CYB5R3: variants seen among roughly 807,000 people sequenced by gnomAD.
CYB5R3 encodes cytochrome b5 reductase 3, also known as NADH-cytochrome b5 reductase 3.
In CYB5R3, 28 loss-of-function variants were observed where a neutral mutation model predicts 36.5. That is an observed-to-expected ratio of 0.77 (90% confidence interval 0.57 to 1.05). CYB5R3 has a LOEUF of 1.05. Ranked by LOEUF, CYB5R3 falls within the 50% of genes least tolerant of loss-of-function variation. CYB5R3 has a pLI of 0.00. For missense variants in CYB5R3, 474 were observed against 408.9 expected (o/e 1.16, Z -1.37); for synonymous variants, 181 against 159.8 (o/e 1.13, Z -1.00).
chr22:42,622,769 G>A (rs1928049440), intron 8 of CYB5R3, among the ~76,000 whole-genome samples: 1 of 152,226 alleles, frequency 6.6e-6, no homozygotes, highest in Non-Finnish European at 1.5e-5. Flanking sequence ...TCAGCAGAGG[G>A]TGTGCGCCCC....
Position 42,631,448 on chromosome 22 carries a change from G to C in CYB5R3, c.156C>G (p.Ile52Met). Residue 52 changes from isoleucine (I) to methionine (M), a missense_variant and splice_region_variant, in exon 3 of 9, where the codon ATC (isoleucine) becomes ATG (methionine). Transcript: ENST00000352397. ...GGAAGCGCCGGGTGTCATGGCTGATGATCTGGAGAGAGGCCCAAAGCTGCT... is the reference window on the plus strand; with the variant it reads ...GGAAGCGCCGGGTGTCATGGCTGATCATCTGGAGAGAGGCCCAAAGCTGCT... ...KYPLRLIDRE[I>M]ISHDTRRFRF... 1.9e-6 allele frequency: 3 copies of C among 1,551,618 alleles called. No individual in the cohort carries two copies. The highest frequency in any genetic ancestry group is 2.6e-6 in the Non-Finnish European group (3 of 1,146,966).
At chr22:42,642,545 T>C (rs1184182230) in intron 1 of CYB5R3, among the ~76,000 whole-genome samples, 1 of 152,174 alleles carries the variant, frequency 6.6e-6, no homozygotes, top group Non-Finnish European at 1.5e-5. Flanking sequence ...TTCACACCAT[T>C]CTCCTGCCTC....
chr22:42,649,283 CT>C lies in CYB5R3; in HGVS notation c.21+11del. 1 of 1,015,030 alleles carries C rather than the reference CT, an allele frequency of 9.9e-7. No individual in the cohort carries two copies. The highest frequency in any genetic ancestry group is 1.2e-6 in the Non-Finnish European group (1 of 844,908). 62.9% of individuals were successfully genotyped at this position (1,015,030 alleles called of 1,614,324 possible). A position where few individuals can be genotyped will look rare whatever the true frequency, so the allele number is the denominator to read the frequency against. ...CGACGCCCCGCGGCCCCGGCGCCCCCTCCCCGCCTACCGTGCTGAGCTGGGC... is the reference window on the plus strand; with the variant it reads ...CGACGCCCCGCGGCCCCGGCGCCCCCCCCCGCCTACCGTGCTGAGCTGGGC... On this transcript the variant is annotated intron_variant, in intron 1 of 8. Transcript: ENST00000352397.
chr22:42,643,425 A>C, intron 1 of CYB5R3, among the ~76,000 whole-genome samples: 1 of 151,244 alleles, frequency 6.6e-6, no homozygotes. Flanking sequence ...CTACAACCTC[A>C]CACCAGGCCT....
At chr22:42,630,784 G>T in intron 4 of CYB5R3, 98 bp downstream of exon 4, 1 of 1,042,936 alleles carries the variant, frequency 9.6e-7, no homozygotes, top group Non-Finnish European at 1.5e-6. Flanking sequence ...GCTGCACAGG[G>T]CAGGAGCGGG....
At chr22:42,631,856 G>T (rs1601938971) in intron 2 of CYB5R3, 2 of 255,756 alleles carry the variant, frequency 7.8e-6, no homozygotes, top group Admixed American at 4.6e-5. Context: ...AGCTAGACAA[G>T]GCTGCACGTG....
chr22:42,631,443 C>T lies in CYB5R3; in HGVS notation c.161G>A (p.Ser54Asn), dbSNP rs1011695795. 5 of 1,551,602 alleles carry T rather than the reference C, an allele frequency of 3.2e-6. No individual in the cohort carries two copies. In the South Asian group the frequency reaches 3.6e-5, roughly 11 times the overall value. The change falls in exon 3 of 9, where the codon AGC becomes AAC. Residue 54 changes from serine (S) to asparagine (N), a missense_variant. Coordinates refer to ENST00000352397, the MANE Select transcript of CYB5R3 (RefSeq NM_000398.7). Reference protein sequence around the residue: ...PLRLIDREIISHDTRRFRFAL... With the variant: ...PLRLIDREIINHDTRRFRFAL... The stretch of plus-strand genomic sequence containing the variant: ...AAAGCGGAAGCGCCGGGTGTCATGG[C>T]TGATGATCTGGAGAGAGGCCCAAAG...
At chr22:42,631,675 C>T in intron 2 of CYB5R3, 1 of 601,656 alleles carries the variant, frequency 1.7e-6, no homozygotes, top group Non-Finnish European at 3.0e-6. Context: ...GTCTGTCCTG[C>T]TGGCCTAGAG....
At chr22:42,620,777 C>T (rs1022658774) in intron 8 of CYB5R3, among the ~76,000 whole-genome samples, 1 of 152,200 alleles carries the variant, frequency 6.6e-6, no homozygotes, top group African/African-American at 2.4e-5. Context: ...AGGGGGTCCT[C>T]TTTATCTCAT....
At position 42,648,849 on chromosome 22, in the gene CYB5R3, CA is replaced by C. The variant is rs1929642085; in HGVS notation, c.21+445del. Among the ~76,000 whole-genome samples, 15 of 136,998 alleles carry C rather than the reference CA, an allele frequency of 1.1e-4. 1 individual carries two copies. Among genetic ancestry groups the C allele is most frequent in the Admixed American group, 7.7e-4 (11 of 14,228 alleles). The allele number at this position is 136,998 out of a possible 152,430, so 89.9% of individuals were successfully genotyped here. A position where few individuals can be genotyped will look rare whatever the true frequency, so the allele number is the denominator to read the frequency against. The stretch of plus-strand genomic sequence containing the variant: ...ATTCACATACTCCCGTACACACACA[CA>C]CACCCCATCACACGTTTCCATGCCC... On this transcript the variant is annotated intron_variant, in intron 1 of 8. Coordinates refer to ENST00000352397, the MANE Select transcript of CYB5R3 (RefSeq NM_000398.7).
At chr22:42,620,177 A>G (rs1477741618) in intron 8 of CYB5R3, among the ~76,000 whole-genome samples, 1 of 152,192 alleles carries the variant, frequency 6.6e-6, no homozygotes, top group East Asian at 1.9e-4. Flanking sequence ...TGCACTTTAC[A>G]GTTTGCAAAG....
chr22:42,624,531 G>A (rs1249247899), intron 7 of CYB5R3, among the ~76,000 whole-genome samples: 1 of 131,304 alleles, frequency 7.6e-6, no homozygotes, highest in Admixed American at 9.2e-5. Flanking sequence ...ATCCCTTCCA[G>A]GAAAGCTTCC....
intron 4 of CYB5R3, among the ~76,000 whole-genome samples, chr22:42,628,549 C>A (rs1299366619): frequency 6.6e-6 from 1 of 152,168 alleles, no homozygotes; most frequent in Non-Finnish European, 1.5e-5. Context: ...AACTCCAGGG[C>A]TGGATGCACT....
intron 8 of CYB5R3, 61 bp from the exon 9 acceptor site, chr22:42,620,006 G>C (rs1927880973): frequency 7.5e-6 from 11 of 1,464,584 alleles, no homozygotes; most frequent in Non-Finnish European, 9.4e-6. Flanking sequence ...CCTGCTGACC[G>C]ACCAACCCTA....
intron 4 of CYB5R3, among the ~76,000 whole-genome samples, chr22:42,630,125 A>C (rs1928529656): frequency 6.6e-6 from 1 of 152,052 alleles, no homozygotes; most frequent in Non-Finnish European, 1.5e-5. Context: ...TTTCATAAAA[A>C]CGTCCCTGCT....
intron 1 of CYB5R3, chr22:42,646,872 C>G: frequency 1.0e-6 from 1 of 985,524 alleles, no homozygotes; most frequent in Non-Finnish European, 1.2e-6. Flanking sequence ...GTAGGAAAGC[C>G]CGGCAGACTG....
At position 42,635,248 on chromosome 22, in the gene CYB5R3, G is replaced by T. The variant is rs373209299; in HGVS notation, c.153+1467C>A. Among the ~76,000 whole-genome samples the T allele has an allele frequency of 4.6e-5, 7 of 151,564 alleles. No homozygotes were observed. In the South Asian group the frequency reaches 1.3e-3, roughly 27 times the overall value. ...CTCCCAAAGTGCTGGGATTACAGGT[G>T]TGAGCCCAGCCACGCCCGGCCAATT... On this transcript the variant is annotated intron_variant, in intron 2 of 8. Coordinates refer to ENST00000352397, the MANE Select transcript of CYB5R3 (RefSeq NM_000398.7).
chr22:42,640,122 C>G (rs1293749341), intron 1 of CYB5R3: 2 of 1,613,648 alleles, frequency 1.2e-6, no homozygotes, highest in Admixed American at 3.3e-5. Context: ...TTTTCAGGCT[C>G]TGAATAGCTC....
chr22:42,641,024 T>C (rs1929243063), intron 1 of CYB5R3, among the ~76,000 whole-genome samples: 1 of 151,480 alleles, frequency 6.6e-6, no homozygotes, highest in Admixed American at 6.6e-5. Flanking sequence ...TCCTGGCTCA[T>C]TTTTGTATTT....
Sources: allele counts gnomAD v4.1 joint callset (sites outside exome capture counted in the v4.1 genomes callset), GRCh38; gene constraint gnomAD v4.1.1; transcripts MANE v1.5; gene names NCBI Gene and HGNC (gene_info 2026-07-23, HGNC 2026-07-21).